Variants in ATXN2 observed in about 807,000 individuals in gnomAD.
ATXN2 encodes ataxin-2.
Under a neutral mutation model 138.6 loss-of-function variants are expected in ATXN2, and 37 were observed. That is an observed-to-expected ratio of 0.27 (90% confidence interval 0.21 to 0.35). The LOEUF is 0.35. ATXN2 is among the 10% of genes least tolerant of loss of function. The pLI is 1.00. For missense variants in ATXN2, 1,216 were observed against 1,480.3 expected, an observed-to-expected ratio of 0.82 and a Z score of 2.93; for synonymous variants, 549 against 543.7, an observed-to-expected ratio of 1.01 and a Z score of -0.13.
In ATXN2 at chr12:111,598,818, C is replaced by A; in HGVS notation, c.217G>T (p.Ala73Ser). 5 of 1,416,908 alleles carry A rather than the reference C, an allele frequency of 3.5e-6. No individual in the cohort carries two copies. In the South Asian group the frequency reaches 5.6e-5, roughly 16 times the overall value. 87.8% of individuals were successfully genotyped at this position (1,416,908 alleles called of 1,614,324 possible). The change falls in exon 1 of 25, where the codon GCG becomes TCG. Residue 73 changes from alanine (A) to serine (S), a missense_variant. Ala to Ser is a moderately conservative substitution (Grantham distance 99). Coordinates refer to ENST00000673436, the MANE Select transcript of ATXN2 (RefSeq NM_001372574.1). The surrounding 1 kb of genome is among the most constrained non-coding windows in gnomAD (Gnocchi z 4.5). ...SATAPSSVVA[A>S]TSGGGRPGLG... The stretch of plus-strand genomic sequence containing the variant: ...CCGGGCCTCCCGCCGCCGGAGGTCG[C>A]CGCGACCACCGAGGAGGGAGCCGTG...
intron 14 of ATXN2, among the ~76,000 whole-genome samples, chr12:111,494,929 AGTT>A (rs1878314418): frequency 6.6e-6 from 1 of 152,226 alleles, no homozygotes. Context: ...AAATGGTAGT[AGTT>A]AAGTCCTCAC....
At position 111,516,751 on chromosome 12, in the gene ATXN2, G is replaced by C; in HGVS notation, c.1166-388C>G. Among the ~76,000 whole-genome samples the C allele has an allele frequency of 6.6e-6, 1 of 152,090 alleles. No homozygotes were observed. The highest frequency in any genetic ancestry group is 1.9e-4 in the East Asian group (1 of 5,194). ...ATAAATCACAATAATTCCTACTCAG[G>C]AGTAAGATTATTTACTGTATTAGTT... On this transcript the variant is annotated intron_variant, in intron 9 of 24. Transcript: ENST00000673436. The surrounding 1 kb of genome is among the most constrained non-coding windows in gnomAD (Gnocchi z 5.0).
chr12:111,503,322 C>A (rs1458495256), intron 14 of ATXN2, among the ~76,000 whole-genome samples: 1 of 152,196 alleles, frequency 6.6e-6, no homozygotes, highest in Non-Finnish European at 1.5e-5. Flanking sequence ...ATGGTCAGCC[C>A]TCTTACTTAC....
intron 5 of ATXN2, among the ~76,000 whole-genome samples, chr12:111,533,651 G>C (rs971364050): frequency 2.0e-5 from 3 of 151,838 alleles, no homozygotes; most frequent in Non-Finnish European, 2.9e-5. Context: ...TCAACCTCTC[G>C]AGTAGCTGGG....
At chr12:111,521,446 G>C (rs1880153031) in intron 6 of ATXN2, among the ~76,000 whole-genome samples, 1 of 152,206 alleles carries the variant, frequency 6.6e-6, no homozygotes. Context: ...TTGGGAGAAA[G>C]AAGGGAGAAG....
In ATXN2 at chr12:111,488,723, CCTCT is replaced by C; in HGVS notation, c.1989_1992del (p.Gly665LysfsTer6). On this transcript the variant is annotated frameshift_variant, in exon 15 of 25. Transcript: ENST00000673436. LOFTEE classifies it high-confidence loss of function. ...TTGATCAAATCTCTTGATTTTTCTC[CCTCT>C]CTATTTTTGTTTAGTAGTTGATCCA... The C allele has an allele frequency of 6.2e-7, 1 of 1,610,898 alleles. No homozygotes were observed. The highest frequency in any genetic ancestry group is 8.5e-7 in the Non-Finnish European group (1 of 1,178,046).
Position 111,598,846 on chromosome 12 carries a change from C to T in ATXN2, c.189G>A (p.Ser63=). The change falls in exon 1 of 25, where the codon TCG becomes TCA. Residue 63 remains serine (S), a synonymous_variant. Transcript: ENST00000673436. This position sits in a 1 kb window ranked among gnomAD's most constrained non-coding sequence, Gnocchi z 4.5. The stretch of plus-strand genomic sequence containing the variant: ...CGACCACCGAGGAGGGAGCCGTGGC[C>T]GAGGACGAGGAGACCGAGGACGAGG... ...SPSSSSVSSS[S]ATAPSSVVAA... The T allele has an allele frequency of 6.8e-7, 1 of 1,472,644 alleles. No homozygotes were observed. Among genetic ancestry groups the T allele is most frequent in the South Asian group, 1.3e-5 (1 of 78,746 alleles). 91.2% of individuals were successfully genotyped at this position (1,472,644 alleles called of 1,614,324 possible).
At chr12:111,544,889 G>A (rs548201458) in intron 5 of ATXN2, among the ~76,000 whole-genome samples, 2 of 152,310 alleles carry the variant, frequency 1.3e-5, no homozygotes, top group Admixed American at 6.5e-5. Flanking sequence ...GCCCAGTGCG[G>A]TGGCTCATGC....
intron 21 of ATXN2, among the ~76,000 whole-genome samples, chr12:111,460,558 G>T (rs1029942026): frequency 3.3e-5 from 5 of 151,830 alleles, no homozygotes; most frequent in Non-Finnish European, 7.4e-5. Flanking sequence ...TAAAGATACA[G>T]TACGGAATCT....
chr12:111,494,991 A>T (rs1480845766), intron 14 of ATXN2, among the ~76,000 whole-genome samples: 1 of 152,112 alleles, frequency 6.6e-6, no homozygotes. Flanking sequence ...TCCAATCAAA[A>T]GATACAGAGT....
intron 1 of ATXN2, among the ~76,000 whole-genome samples, chr12:111,573,943 A>C (rs1200462095): frequency 6.7e-6 from 1 of 150,356 alleles, no homozygotes; most frequent in Non-Finnish European, 1.5e-5. Context: ...TTATTTTCTG[A>C]AATGTTTTAT....
intron 14 of ATXN2, among the ~76,000 whole-genome samples, chr12:111,490,393 G>A (rs1278919569): frequency 1.3e-5 from 2 of 152,090 alleles, no homozygotes; most frequent in Non-Finnish European, 2.9e-5. Context: ...TAATTAGGAT[G>A]TGGAGGGACC....
intron 1 of ATXN2, among the ~76,000 whole-genome samples, chr12:111,573,093 T>C (rs930499164): frequency 6.6e-6 from 1 of 152,042 alleles, no homozygotes; most frequent in Non-Finnish European, 1.5e-5. Context: ...AACTCACTGA[T>C]AGAGAACTGC....
upstream of ATXN2, chr12:111,599,654 C>A (rs973088021): frequency 3.7e-6 from 4 of 1,079,190 alleles, no homozygotes; most frequent in East Asian, 5.5e-5. Context: ...GCGGGCGGCG[C>A]GCTGGGTTGC....
chr12:111,599,336 G>C, upstream of ATXN2: 1 of 1,163,250 alleles, frequency 8.6e-7, no homozygotes, highest in Non-Finnish European at 1.1e-6. Flanking sequence ...AGGGGGGCCG[G>C]GGCCGGGCGG....
Position 111,562,663 on chromosome 12 carries a change from T to G in ATXN2, c.252-6744A>C, listed in dbSNP as rs564070076. On this transcript the variant is annotated intron_variant, in intron 1 of 24. Transcript: ENST00000673436. ...TGAACCCGGGAGGCAGAGGTTGCAGTGAGCCAAGATCAGGCCACCGCACTC... is the reference window on the plus strand; with the variant it reads ...TGAACCCGGGAGGCAGAGGTTGCAGGGAGCCAAGATCAGGCCACCGCACTC... 3.8e-5 allele frequency among the ~76,000 whole-genome samples: 5 copies of G among 133,042 alleles called. No individual in the cohort carries two copies. In the South Asian group the frequency reaches 1.1e-3, roughly 30 times the overall value. The allele number at this position is 133,042 out of a possible 152,430, so 87.3% of individuals were successfully genotyped here. A position where few individuals can be genotyped will look rare whatever the true frequency, so the allele number is the denominator to read the frequency against.
At chr12:111,593,251 G>A (rs2135853269) in intron 1 of ATXN2, among the ~76,000 whole-genome samples, 1 of 151,848 alleles carries the variant, frequency 6.6e-6, no homozygotes, top group South Asian at 2.1e-4. Flanking sequence ...CCACCACCAT[G>A]CCCGGCTAAT....
intron 1 of ATXN2, among the ~76,000 whole-genome samples, chr12:111,576,826 C>CACACA (rs1883681475): frequency 6.6e-6 from 1 of 151,152 alleles, no homozygotes; most frequent in Non-Finnish European, 1.5e-5. Context: ...GGCATGGTGG[C>CACACA]GGGCTCCTGT....
intron 1 of ATXN2, among the ~76,000 whole-genome samples, chr12:111,574,025 T>C (rs962010328): frequency 6.6e-6 from 1 of 151,804 alleles, no homozygotes; most frequent in Admixed American, 6.6e-5. Context: ...TTAAAAAGTA[T>C]GGAGACTTCC....
Sources: gnomAD v4.1 joint callset for allele counts (sites outside exome capture counted in the v4.1 genomes callset) on GRCh38, gnomAD v4.1.1 for gene constraint, Gnocchi (gnomAD v3.1) non-coding constraint, MANE v1.5 for transcripts, NCBI Gene and HGNC (gene_info 2026-07-23, HGNC 2026-07-21) for gene names.